EXD3: variants seen among roughly 807,000 people sequenced by gnomAD.
EXD3 encodes the protein exonuclease mut-7 homolog.
EXD3 carries 92 observed loss-of-function variants against 98.0 expected under a neutral mutation model. The observed-to-expected ratio is 0.94, with a 90% CI of 0.79 to 1.12. The LOEUF is 1.12. Among genes scored for constraint, EXD3 ranks in the 50% most tolerant of loss-of-function variants. The pLI is 0.00. For synonymous variants in EXD3, 569 were observed against 526.0 expected (o/e 1.08, Z -1.12); for missense variants, 1,222 against 1,191.6 (o/e 1.03, Z -0.38).
intron 5 of EXD3, among the ~76,000 whole-genome samples, chr9:137,372,374 GC>G (rs1390082720): frequency 2.6e-5 from 4 of 152,206 alleles, no homozygotes; most frequent in Non-Finnish European, 5.9e-5. Context: ...GCTGTGGGAG[GC>G]GGGGCCGGCA....
intron 7 of EXD3, chr9:137,365,359 C>A (rs1050177854): frequency 6.6e-6 from 1 of 152,532 alleles, no homozygotes; most frequent in African/African-American, 2.4e-5. Context: ...GGAATGGAGG[C>A]CGGGATCTGC....
chr9:137,384,732 A>T (rs1428008859), intron 2 of EXD3, among the ~76,000 whole-genome samples: 3 of 152,248 alleles, frequency 2.0e-5, no homozygotes, highest in African/African-American at 7.2e-5. Flanking sequence ...CAATAAACAG[A>T]AATGGCCATT....
At position 137,403,335 on chromosome 9, in the gene EXD3, C is replaced by T. The variant is rs1837560646; in HGVS notation, c.-47-7931G>A. ...GCTGGTCTGTCCAGGAAAAAGCCCT[C>T]CCAGCCGCACCTGCCAGCCACTGAG... is the stretch of plus-strand genomic sequence containing the variant. On this transcript the variant is annotated intron_variant, in intron 1 of 21. Coordinates refer to ENST00000340951, the MANE Select transcript of EXD3 (RefSeq NM_017820.5). This position sits in a 1 kb window ranked among gnomAD's most constrained non-coding sequence, Gnocchi z 6.1. Among the ~76,000 whole-genome samples the T allele has an allele frequency of 6.6e-6, 1 of 152,090 alleles. No homozygotes were observed. The highest frequency in any genetic ancestry group is 1.5e-5 in the Non-Finnish European group (1 of 68,022).
At chr9:137,317,908 C>T (rs954406423) in intron 19 of EXD3, among the ~76,000 whole-genome samples, 1 of 152,172 alleles carries the variant, frequency 6.6e-6, no homozygotes, top group Non-Finnish European at 1.5e-5. Flanking sequence ...TCCTTCTGTA[C>T]CCTCTGTGCC....
chr9:137,392,682 A>AG (rs1564203337), intron 2 of EXD3: 2 of 332,160 alleles, frequency 6.0e-6, no homozygotes, highest in African/African-American at 4.7e-5. Flanking sequence ...AGGCTGTTCC[A>AG]GGGGGTGCTG....
intron 8 of EXD3, 40 bp from the exon 9 acceptor site, chr9:137,354,813 A>G (rs1488361128): frequency 6.3e-7 from 1 of 1,582,300 alleles, no homozygotes; most frequent in Admixed American, 1.7e-5. Flanking sequence ...GGCTCAGGGC[A>G]GCCTCACCAC....
chr9:137,328,587 C>A (rs1162062094), intron 17 of EXD3, among the ~76,000 whole-genome samples: 1 of 19,574 alleles, frequency 5.1e-5, no homozygotes, highest in Non-Finnish European at 1.1e-4. Flanking sequence ...AGGAGCTACA[C>A]GGGACTACAC....
intron 17 of EXD3, among the ~76,000 whole-genome samples, chr9:137,326,124 C>T (rs1564473789): frequency 6.6e-6 from 1 of 151,426 alleles, no homozygotes; most frequent in Non-Finnish European, 1.5e-5. Flanking sequence ...CAGGGGAACA[C>T]TTCCTGGCGC....
intron 1 of EXD3, among the ~76,000 whole-genome samples, chr9:137,411,133 C>A (rs1397137047): frequency 6.6e-6 from 1 of 152,200 alleles, no homozygotes; most frequent in Non-Finnish European, 1.5e-5. Context: ...CCGGCTGAGG[C>A]CCCGAGGCCG....
At position 137,355,671 on chromosome 9, in the gene EXD3, GGGAGGATGGAGGAA is replaced by G. The variant is rs1360428588; in HGVS notation, c.757+583_757+596del. 5.7e-3 allele frequency among the ~76,000 whole-genome samples: 108 copies of G among 19,072 alleles called. 1 individual carries two copies. Among genetic ancestry groups the G allele is most frequent in the African/African-American group, 0.019 (105 of 5,394 alleles). The allele number at this position is 19,072 out of a possible 152,430, so 12.5% of individuals were successfully genotyped here. ...GGAAGGAGGAAGGAGGAAGGAGAAA[GGGAGGATGGAGGAA>G]GGAGAAAGGGAGGAAGGAGGAAGGA... On this transcript the variant is annotated intron_variant, in intron 8 of 21. Transcript: ENST00000340951.
At position 137,324,305 on chromosome 9, in the gene EXD3, C is replaced by A. The variant is rs1832265595; in HGVS notation, c.1999-162G>T. Among the ~76,000 whole-genome samples the A allele has an allele frequency of 6.6e-6, 1 of 152,142 alleles. No homozygotes were observed. The highest frequency in any genetic ancestry group is 1.5e-5 in the Non-Finnish European group (1 of 68,028). On this transcript the variant is annotated intron_variant, in intron 17 of 21. Coordinates refer to ENST00000340951, the MANE Select transcript of EXD3 (RefSeq NM_017820.5). The surrounding 1 kb of genome is among the most constrained non-coding windows in gnomAD (Gnocchi z 4.1). ...CCTGGGGTCTTGGGTGGTGAGGAGC[C>A]CTCTGCCGGGTCCTGGGTGTCGCCT...
intron 14 of EXD3, among the ~76,000 whole-genome samples, chr9:137,350,767 C>T (rs1834256347): frequency 1.3e-5 from 2 of 151,932 alleles, no homozygotes; most frequent in African/African-American, 2.4e-5. Context: ...AAGTGGAACC[C>T]AGGGCTCAGG....
At chr9:137,316,842 C>T (rs1011730480) in intron 19 of EXD3, among the ~76,000 whole-genome samples, 6 of 152,200 alleles carry the variant, frequency 3.9e-5, no homozygotes, top group African/African-American at 1.4e-4. Context: ...CTAGGTGTGA[C>T]GGGCCTGCCT....
chr9:137,334,442 A>G (rs910680503), intron 17 of EXD3, among the ~76,000 whole-genome samples: 5 of 152,218 alleles, frequency 3.3e-5, no homozygotes, highest in African/African-American at 4.8e-5. Context: ...ACTTACAATC[A>G]ACGGATCTTT....
intron 1 of EXD3, among the ~76,000 whole-genome samples, chr9:137,418,121 C>T (rs1459732996): frequency 1.3e-5 from 2 of 152,200 alleles, no homozygotes; most frequent in East Asian, 3.9e-4. Context: ...CCGAGGCGGG[C>T]GGATCACCTG....
intron 6 of EXD3, 158 bp downstream of exon 6, chr9:137,367,778 T>C: frequency 1.6e-6 from 1 of 637,486 alleles, no homozygotes; most frequent in Non-Finnish European, 2.7e-6. Flanking sequence ...AGGAGGATGG[T>C]GGTTTAGGGG....
chr9:137,407,430 G>A lies in EXD3; in HGVS notation c.-47-12026C>T, dbSNP rs1837776515. On this transcript the variant is annotated intron_variant, in intron 1 of 21. Coordinates refer to ENST00000340951, the MANE Select transcript of EXD3 (RefSeq NM_017820.5). The surrounding 1 kb of genome is among the most constrained non-coding windows in gnomAD (Gnocchi z 4.4). ...AGGGGCCATCTGCCCCCGGCTCACC[G>A]CAGGCCCTTTCCTGGGGGCCTCTGT... Among the ~76,000 whole-genome samples, 1 of 152,204 alleles carries A rather than the reference G, an allele frequency of 6.6e-6. No individual in the cohort carries two copies. The highest frequency in any genetic ancestry group is 1.5e-5 in the Non-Finnish European group (1 of 68,022).
intron 17 of EXD3, among the ~76,000 whole-genome samples, chr9:137,328,049 C>A (rs1022064949): frequency 1.3e-5 from 2 of 152,176 alleles, no homozygotes; most frequent in East Asian, 3.9e-4. Context: ...CGAATAAACA[C>A]CCACATGATG....
intron 3 of EXD3, among the ~76,000 whole-genome samples, chr9:137,378,822 T>C (rs933462862): frequency 6.6e-6 from 1 of 152,152 alleles, no homozygotes; most frequent in African/African-American, 2.4e-5. Flanking sequence ...GGGTGAGCAG[T>C]GGCTAGGGCC....
Sources: allele counts gnomAD v4.1 joint callset (sites outside exome capture counted in the v4.1 genomes callset), GRCh38; gene constraint gnomAD v4.1.1; non-coding constraint Gnocchi (gnomAD v3.1); transcripts MANE v1.5; gene names NCBI Gene and HGNC (gene_info 2026-07-23, HGNC 2026-07-21).